Variants in RNF217 observed in about 807,000 individuals in gnomAD.
RNF217 encodes E3 ubiquitin-protein ligase RNF217.
In RNF217, 31 loss-of-function variants were observed where a neutral mutation model predicts 57.8. The ratio of observed to expected loss-of-function variants is 0.54; its 90% CI spans 0.40 to 0.72. The LOEUF (loss-of-function observed/expected upper bound fraction) is 0.72. RNF217 is among the 30% of genes least tolerant of loss of function. The probability of loss-of-function intolerance (pLI) is 0.00; values close to 1 mark genes in which losing one functional copy is unlikely to be tolerated. For synonymous variants in RNF217, 313 were observed against 294.0 expected (o/e 1.06, Z -0.66); for missense variants, 696 against 708.3 (o/e 0.98, Z 0.20).
intron 3 of RNF217, among the ~76,000 whole-genome samples, chr6:125,076,104 A>G (rs942115629): frequency 1.3e-5 from 2 of 152,190 alleles, no homozygotes; most frequent in South Asian, 4.1e-4. Flanking sequence ...CAGTTCTACA[A>G]ACAACACATT....
intron 5 of RNF217, chr6:125,082,571 T>A: frequency 7.5e-6 from 12 of 1,609,464 alleles, no homozygotes; most frequent in Non-Finnish European, 9.3e-6. Flanking sequence ...AGTGTGAGTA[T>A]CATAGTGTGC....
intron 3 of RNF217, among the ~76,000 whole-genome samples, chr6:125,060,633 C>CG (rs1787693405): frequency 6.6e-6 from 1 of 151,786 alleles, no homozygotes; most frequent in South Asian, 2.1e-4. Flanking sequence ...TCAGTAGAGA[C>CG]GGGGTTTCAC....
At chr6:125,036,016 G>A (rs564320885) in intron 1 of RNF217, among the ~76,000 whole-genome samples, 58 of 151,952 alleles carry the variant, frequency 3.8e-4, no homozygotes, top group South Asian at 1.5e-3. Context: ...CCATCAACCC[G>A]TCATCTAGGC....
chr6:124,989,237 T>C (rs1390210259), intron 1 of RNF217, among the ~76,000 whole-genome samples: 1 of 152,228 alleles, frequency 6.6e-6, no homozygotes, highest in Non-Finnish European at 1.5e-5. Context: ...AATGTTGTCA[T>C]GTATTGTATT....
At chr6:125,063,693 T>C (rs760377176) in intron 3 of RNF217, among the ~76,000 whole-genome samples, 2 of 152,126 alleles carry the variant, frequency 1.3e-5, no homozygotes, top group Admixed American at 6.5e-5. Flanking sequence ...ATAACAGGAT[T>C]GGTAGTATGT....
rs1274999580 is a variant in RNF217, at chr6:125,092,338, T to G, written c.*9401T>G. Reference sequence around the variant, plus strand: ...ACCTTGTGATATTTTGGAGTCTAATTTCCGACTTTTCGTAATGTCCCAATG... The same window carrying G: ...ACCTTGTGATATTTTGGAGTCTAATGTCCGACTTTTCGTAATGTCCCAATG... On this transcript the variant is annotated 3_prime_UTR_variant, in exon 6 of 6. Transcript: ENST00000521654. 19 of 152,334 alleles carry G rather than the reference T, an allele frequency of 1.2e-4. No individual in the cohort carries two copies. The East Asian group carries it at 2.5e-3, about 20-fold the overall frequency. The allele number at this position is 152,334 out of a possible 1,614,324, so 9.4% of individuals were successfully genotyped here.
At chr6:125,039,459 A>G (rs1054563528) in intron 1 of RNF217, among the ~76,000 whole-genome samples, 3 of 152,182 alleles carry the variant, frequency 2.0e-5, no homozygotes, top group African/African-American at 7.2e-5. Flanking sequence ...ACGAGTTCTT[A>G]GAGACCTACA....
Position 125,090,298 on chromosome 6 carries a change from T to C in RNF217, c.*7361T>C, listed in dbSNP as rs1374408545. 6.6e-6 allele frequency: 1 copy of C among 152,056 alleles called. No homozygotes were observed. The highest frequency in any genetic ancestry group is 1.5e-5 in the Non-Finnish European group (1 of 67,932). The allele number at this position is 152,056 out of a possible 1,614,324, so 9.4% of individuals were successfully genotyped here. A position where few individuals can be genotyped will look rare whatever the true frequency, so the allele number is the denominator to read the frequency against. On this transcript the variant is annotated 3_prime_UTR_variant, in exon 6 of 6. Transcript: ENST00000521654. The stretch of plus-strand genomic sequence containing the variant: ...ATAGTAATTAGTAAATTCTGAGAGA[T>C]GACAGAAATGATTTTCTGTAGAAGG...
chr6:124,998,419 T>C (rs1784831042), intron 1 of RNF217, among the ~76,000 whole-genome samples: 1 of 152,210 alleles, frequency 6.6e-6, no homozygotes, highest in African/African-American at 2.4e-5. Context: ...CTTATCTCCA[T>C]CTTCACTTTG....
At chr6:125,048,257 C>T (rs779276168) in intron 2 of RNF217, 9 of 1,349,238 alleles carry the variant, frequency 6.7e-6, no homozygotes, top group Non-Finnish European at 8.9e-6. Context: ...TTGTGATGAA[C>T]AGGTGAACAT....
At chr6:125,001,472 A>T (rs1337376546) in intron 1 of RNF217, among the ~76,000 whole-genome samples, 2 of 152,234 alleles carry the variant, frequency 1.3e-5, no homozygotes, top group Non-Finnish European at 2.9e-5. Context: ...ATAACATGGC[A>T]GATAAAGACG....
At chr6:125,065,541 G>T (rs537656471) in intron 3 of RNF217, among the ~76,000 whole-genome samples, 1 of 152,080 alleles carries the variant, frequency 6.6e-6, no homozygotes, top group African/African-American at 2.4e-5. Flanking sequence ...ATTCTGAAGC[G>T]TCTCCTGGGG....
At chr6:125,038,406 T>G (rs1039241857) in intron 1 of RNF217, among the ~76,000 whole-genome samples, 1 of 152,146 alleles carries the variant, frequency 6.6e-6, no homozygotes, top group African/African-American at 2.4e-5. Context: ...CTTCTTAATT[T>G]TTTAGCCCCA....
At chr6:125,029,926 C>T (rs1041090205) in intron 1 of RNF217, among the ~76,000 whole-genome samples, 2 of 152,038 alleles carry the variant, frequency 1.3e-5, no homozygotes, top group Non-Finnish European at 1.5e-5. Context: ...TTTGTTACTC[C>T]GTTTTCATGC....
intron 5 of RNF217, 41 bp from the exon 6 acceptor site, chr6:125,082,823 G>A: frequency 1.4e-6 from 2 of 1,405,834 alleles, no homozygotes; most frequent in Non-Finnish European, 2.0e-6. Context: ...AAACCTAAAT[G>A]CCTCTCATCC....
At chr6:125,020,439 T>G (rs1785793032) in intron 1 of RNF217, among the ~76,000 whole-genome samples, 1 of 152,230 alleles carries the variant, frequency 6.6e-6, no homozygotes, top group South Asian at 2.1e-4. Context: ...TATTCACAAG[T>G]CCGCCTAGTT....
rs140064999 is a variant in RNF217, at chr6:125,068,449, G to T, written c.1282-8208G>T. The stretch of plus-strand genomic sequence containing the variant: ...ACACCAGATCAAGCTCATCTATTGA[G>T]TACTGTCTTCATACTTTCTACTTTT... On this transcript the variant is annotated intron_variant, in intron 3 of 5. Coordinates refer to ENST00000521654, the MANE Select transcript of RNF217 (RefSeq NM_001286398.3). Among the ~76,000 whole-genome samples the T allele has an allele frequency of 5.7e-3, 863 of 152,208 alleles. 13 individuals carry two copies. Among genetic ancestry groups the T allele is most frequent in the Middle Eastern group, 0.041 (12 of 294 alleles).
chr6:124,982,069 T>A (rs909664896), intron 1 of RNF217, among the ~76,000 whole-genome samples: 92 of 148,344 alleles, frequency 6.2e-4, no homozygotes, highest in Admixed American at 3.0e-3. Flanking sequence ...CCACAAGGAA[T>A]TTCCTTGTGG....
intron 1 of RNF217, among the ~76,000 whole-genome samples, chr6:124,999,789 T>G (rs1243664780): frequency 6.6e-6 from 1 of 152,182 alleles, no homozygotes; most frequent in Non-Finnish European, 1.5e-5. Flanking sequence ...CATTGTAACG[T>G]TAAAAAAAAA....
Sources: gnomAD v4.1 joint callset for allele counts (sites outside exome capture counted in the v4.1 genomes callset) on GRCh38, gnomAD v4.1.1 for gene constraint, MANE v1.5 for transcripts, NCBI Gene and HGNC (gene_info 2026-07-23, HGNC 2026-07-21) for gene names.